The following ADAMTS20 variants were observed in gnomAD, a reference collection of about 807,000 sequenced individuals.
ADAMTS20 encodes the protein A disintegrin and metalloproteinase with thrombospondin motifs 20.
In ADAMTS20, 225 loss-of-function variants were observed where a neutral mutation model predicts 260.1. The observed-to-expected ratio is 0.87, with a 90% CI of 0.78 to 0.97. The LOEUF (loss-of-function observed/expected upper bound fraction) is 0.97. Among genes scored for constraint, ADAMTS20 ranks in the 50% least tolerant of loss-of-function variants. The pLI is 0.00. For missense variants in ADAMTS20, 2,400 were observed against 2,337.7 expected (o/e 1.03, Z -0.55); for synonymous variants, 802 against 769.5 (o/e 1.04, Z -0.70).
At chr12:43,447,375 G>A (rs1315518882) in intron 14 of ADAMTS20, among the ~76,000 whole-genome samples, 4 of 152,000 alleles carry the variant, frequency 2.6e-5, no homozygotes, top group African/African-American at 9.7e-5. Flanking sequence ...CACATAAACA[G>A]AACAAAATAC....
At chr12:43,373,484 A>T (rs1413258150) in intron 36 of ADAMTS20, among the ~76,000 whole-genome samples, 2 of 152,080 alleles carry the variant, frequency 1.3e-5, no homozygotes, top group Non-Finnish European at 2.9e-5. Context: ...AAATACACTA[A>T]CACTAAGAAT....
At chr12:43,464,566 A>C (rs1172906545) in intron 10 of ADAMTS20, 25 bp downstream of exon 10, 1 of 1,604,266 alleles carries the variant, frequency 6.2e-7, no homozygotes, top group Non-Finnish European at 8.5e-7. Flanking sequence ...TTTTCGAACA[A>C]AATAAAGGAA....
rs1410899520 is a variant in ADAMTS20, at chr12:43,405,229, C to CCAAAAAAAAAAAAAAA, written c.4285-5997_4285-5996insTTTTTTTTTTTTTTTG. 1.3e-4 allele frequency among the ~76,000 whole-genome samples: 7 copies of CCAAAAAAAAAAAAAAA among 52,778 alleles called. 1 individual carries two copies. The highest frequency in any genetic ancestry group is 1.9e-4 in the Non-Finnish European group (6 of 31,166). The allele number at this position is 52,778 out of a possible 152,430, so 34.6% of individuals were successfully genotyped here. Reference sequence around the variant, plus strand: ...GTAACAAAATGAGACCTCATCTCTACAAAAAAAAAAAAAAAAAAAAAAAAA... The same window carrying CCAAAAAAAAAAAAAAA: ...GTAACAAAATGAGACCTCATCTCTACCAAAAAAAAAAAAAAAAAAAAAAAAAAAAAAAAAAAAAAAA... On this transcript the variant is annotated intron_variant, in intron 28 of 38. Coordinates refer to ENST00000389420, the MANE Select transcript of ADAMTS20 (RefSeq NM_025003.5).
intron 15 of ADAMTS20, among the ~76,000 whole-genome samples, 153 bp from the exon 16 acceptor site, chr12:43,444,036 G>A (rs1941716605): frequency 6.6e-6 from 1 of 152,146 alleles, no homozygotes; most frequent in Non-Finnish European, 1.5e-5. Context: ...TTTTGAGTCA[G>A]TACCTTACAC....
At chr12:43,435,847 A>G (rs758496990) in intron 18 of ADAMTS20, among the ~76,000 whole-genome samples, 3 of 152,096 alleles carry the variant, frequency 2.0e-5, no homozygotes, top group Non-Finnish European at 4.4e-5. Flanking sequence ...AGCAAAAGCA[A>G]ACTAAGAGAA....
intron 27 of ADAMTS20, among the ~76,000 whole-genome samples, chr12:43,426,852 C>T (rs1268028765): frequency 6.6e-6 from 1 of 152,096 alleles, no homozygotes; most frequent in South Asian, 2.1e-4. Context: ...CTAGAATATG[C>T]ATTTTTTAAA....
chr12:43,492,419 CA>C (rs200942067), intron 6 of ADAMTS20, 85 bp downstream of exon 6: 88 of 1,395,098 alleles, frequency 6.3e-5, no homozygotes, highest in Admixed American at 7.1e-5. Flanking sequence ...AAAAACAAAA[CA>C]AAAAAAAGAA....
intron 22 of ADAMTS20, among the ~76,000 whole-genome samples, chr12:43,430,781 AT>A (rs1395239985): frequency 6.6e-6 from 1 of 152,212 alleles, no homozygotes; most frequent in African/African-American, 2.4e-5. Flanking sequence ...GAAACTAAAT[AT>A]TTTTCAAACA....
chr12:43,463,037 ATAACACCACAACACTGGT>A, intron 10 of ADAMTS20, 38 bp from the exon 11 acceptor site: 1 of 1,390,946 alleles, frequency 7.2e-7, no homozygotes, highest in Admixed American at 1.9e-5. Context: ...CAGTGTAAAG[ATAACACCACAACACTGGT>A]TCAATTCAGT....
chr12:43,421,289 A>AAAAAAAAC (rs1941231194), intron 28 of ADAMTS20, among the ~76,000 whole-genome samples: 1 of 150,864 alleles, frequency 6.6e-6, no homozygotes, highest in Non-Finnish European at 1.5e-5. Context: ...TTACAAAAAA[A>AAAAAAAAC]AAAAAAAAAC....
intron 16 of ADAMTS20, among the ~76,000 whole-genome samples, chr12:43,441,467 A>C (rs868468875): frequency 6.8e-6 from 1 of 146,970 alleles, no homozygotes; most frequent in Non-Finnish European, 1.5e-5. Context: ...ATTTAAGTTT[A>C]AGTTGTTGTG....
At position 43,434,246 on chromosome 12, in the gene ADAMTS20, T is replaced by G. The variant is rs1358768279; in HGVS notation, c.2719A>C (p.Arg907=). 1.1e-5 allele frequency: 17 copies of G among 1,574,794 alleles called. No individual in the cohort carries two copies. Among genetic ancestry groups the G allele is most frequent in the Non-Finnish European group, 1.5e-5 (17 of 1,158,360 alleles). Residue 907 remains arginine, a splice_region_variant and synonymous_variant, in exon 19 of 39, where the codon AGG becomes CGG. Coordinates refer to ENST00000389420, the MANE Select transcript of ADAMTS20 (RefSeq NM_025003.5). ...TQSCNTDCEL[R]WHVIGKSECS... ...TATTACATATTATTTCTCTTTTACC[T>G]TAGTTCACAGTCTGTATTGCAACTT...
In ADAMTS20 at chr12:43,375,436, C is replaced by T; in HGVS notation, c.5389G>A (p.Ala1797Thr). 1 of 1,613,692 alleles carries T rather than the reference C, an allele frequency of 6.2e-7. No individual in the cohort carries two copies. Among genetic ancestry groups the T allele is most frequent in the Non-Finnish European group, 8.5e-7 (1 of 1,179,706 alleles). ...DCECDNGHLA[A>T]GYTVFSKIRI... is the part of the protein sequence containing the mutation. Reference sequence around the variant, plus strand: ...ATTTTGCTGAAAACAGTGTATCCAGCAGCTAAGTGTCCATTGTCACATTCA... The same window carrying T: ...ATTTTGCTGAAAACAGTGTATCCAGTAGCTAAGTGTCCATTGTCACATTCA... Residue 1797 changes from alanine (A) to threonine (T), a missense_variant, in exon 36 of 39, where the codon GCT becomes ACT. Physicochemically the swap from Ala to Thr is moderately conservative, Grantham distance 58 (BLOSUM62 0). Transcript: ENST00000389420.
At chr12:43,537,733 T>A (rs1943316694) in intron 2 of ADAMTS20, among the ~76,000 whole-genome samples, 1 of 152,104 alleles carries the variant, frequency 6.6e-6, no homozygotes, top group Non-Finnish European at 1.5e-5. Flanking sequence ...AGTTCAACTG[T>A]TTTGGGTTTT....
chr12:43,383,953 C>G lies in ADAMTS20; in HGVS notation c.4477G>C (p.Val1493Leu). 1.2e-6 allele frequency: 2 copies of G among 1,613,754 alleles called. No homozygotes were observed. Among genetic ancestry groups the G allele is most frequent in the African/African-American group, 1.3e-5 (1 of 75,020 alleles). ...CTGCAGTATACATCCCTCTGCTGAA[C>G]TCCAGAGCCACAGGTCACAGAGCAC... ...NECSVTCGSG[V>L]QQRDVYCRLK... The change falls in exon 30 of 39, where the codon GTT becomes CTT. Residue 1493 changes from valine to leucine, a missense_variant. By Grantham distance (32) the Val-to-Leu change is conservative. Coordinates refer to ENST00000389420, the MANE Select transcript of ADAMTS20 (RefSeq NM_025003.5).
rs186860846 is a variant in ADAMTS20, at chr12:43,375,325, C to T, written c.5446+54G>A. On this transcript the variant is annotated intron_variant, in intron 36 of 38. Coordinates refer to ENST00000389420, the MANE Select transcript of ADAMTS20 (RefSeq NM_025003.5). ...CAACATATACCAACATATTGTTTGA[C>T]GTTCATAAGCAAATGGAGGCTTTTT... The T allele has an allele frequency of 3.1e-4, 492 of 1,568,252 alleles. 1 individual carries two copies. The East Asian group carries it at 8.1e-3, about 26-fold the overall frequency.
At chr12:43,409,601 C>CAAAAAAAAAAAAAAAAAAAAAAAA (rs67474640) in intron 28 of ADAMTS20, among the ~76,000 whole-genome samples, 1 of 46,908 alleles carries the variant, frequency 2.1e-5, no homozygotes, top group African/African-American at 1.4e-4. Flanking sequence ...GACTCCGTCT[C>CAAAAAAAAAAAAAAAAAAAAAAAA]AAAAAAAAAA....
intron 3 of ADAMTS20, among the ~76,000 whole-genome samples, chr12:43,520,987 C>G (rs949428681): frequency 6.6e-6 from 1 of 152,178 alleles, no homozygotes; most frequent in Non-Finnish European, 1.5e-5. Flanking sequence ...GTCTCACATT[C>G]CCAAAGCATC....
chr12:43,394,659 G>A (rs1940662823), intron 29 of ADAMTS20, among the ~76,000 whole-genome samples: 1 of 152,072 alleles, frequency 6.6e-6, no homozygotes, highest in African/African-American at 2.4e-5. Context: ...CTGAAATTGT[G>A]AACTTCATGT....
Sources: allele counts gnomAD v4.1 joint callset (sites outside exome capture counted in the v4.1 genomes callset), GRCh38; gene constraint gnomAD v4.1.1; transcripts MANE v1.5; gene names NCBI Gene and HGNC (gene_info 2026-07-23, HGNC 2026-07-21).